RAB3IL1: variants seen among roughly 807,000 people sequenced by gnomAD.
RAB3IL1 encodes RAB3A interacting protein like 1.
Under a neutral mutation model 49.2 loss-of-function variants are expected in RAB3IL1, and 37 were observed. The observed-to-expected ratio is 0.75, with a 90% CI of 0.58 to 0.99. The LOEUF (loss-of-function observed/expected upper bound fraction) is 0.99. Ranked by LOEUF, RAB3IL1 falls within the 50% of genes least tolerant of loss-of-function variation. The pLI, the probability that RAB3IL1 is intolerant of heterozygous loss-of-function variation, is 0.00. For synonymous variants in RAB3IL1, 193 were observed against 213.9 expected, an observed-to-expected ratio of 0.90 and a Z score of 0.85; for missense variants, 484 against 513.0, an observed-to-expected ratio of 0.94 and a Z score of 0.55.
chr11:61,922,111 AG>A (rs1939922540), upstream of RAB3IL1, among the ~76,000 whole-genome samples: 1 of 152,072 alleles, frequency 6.6e-6, no homozygotes, highest in Non-Finnish European at 1.5e-5. Flanking sequence ...CGGGAGGCTG[AG>A]GCAGGAGAAT....
chr11:61,929,163 T>G, the RAB3IL1 span, among the ~76,000 whole-genome samples: 1 of 152,226 alleles, frequency 6.6e-6, no homozygotes, highest in Non-Finnish European at 1.5e-5. Context: ...TTCTTTGTGT[T>G]GAGAACATTA....
chr11:61,904,470 C>G (rs1939071768), intron 7 of RAB3IL1, 76 bp downstream of exon 7: 1 of 1,382,218 alleles, frequency 7.2e-7, no homozygotes, highest in Non-Finnish European at 1.0e-6. Flanking sequence ...ATCCTGACCA[C>G]CCCTCGGCAC....
At chr11:61,911,013 A>G (rs1259472451) in intron 1 of RAB3IL1, among the ~76,000 whole-genome samples, 1 of 152,240 alleles carries the variant, frequency 6.6e-6, no homozygotes, top group African/African-American at 2.4e-5. Flanking sequence ...GGCCACAGTG[A>G]AAGACTAACT....
Position 61,907,579 on chromosome 11 carries a change from C to A in RAB3IL1, c.346G>T (p.Ala116Ser). ...AGCCGGTGTACCTCAAACAGGCTGG[C>A]CGTCAGCTCTTCCAGCTCCTGTTCT... is the stretch of plus-strand genomic sequence containing the variant. ...QLEQELEELT[A>S]SLFEEAHKMV... Residue 116 changes from alanine (A) to serine (S), a missense_variant, in exon 3 of 10, where the codon GCC (alanine) becomes TCC (serine). Transcript: ENST00000394836. 1 of 1,614,094 alleles carries A rather than the reference C, an allele frequency of 6.2e-7. No homozygotes were observed. Among genetic ancestry groups the A allele is most frequent in the Non-Finnish European group, 8.5e-7 (1 of 1,180,002 alleles).
At chr11:61,907,734 G>T in intron 2 of RAB3IL1, 74 bp from the exon 3 acceptor site, 2 of 1,357,172 alleles carry the variant, frequency 1.5e-6, no homozygotes, top group South Asian at 1.2e-5. Context: ...AGGCCCACCG[G>T]ACCAGGTTCC....
chr11:61,906,824 T>C lies in RAB3IL1; in HGVS notation c.439-140A>G. The C allele has an allele frequency of 1.2e-6, 1 of 809,572 alleles. No homozygotes were observed. The highest frequency in any genetic ancestry group is 1.5e-5 in the South Asian group (1 of 67,808). The allele number at this position is 809,572 out of a possible 1,614,324, so 50.1% of individuals were successfully genotyped here. ...CCACCCGACGCCCTCAGAACAGCCTTCGAGGCAGAGACCCAGACACTCGTT... is the reference window on the plus strand; with the variant it reads ...CCACCCGACGCCCTCAGAACAGCCTCCGAGGCAGAGACCCAGACACTCGTT... On this transcript the variant is annotated intron_variant, in intron 4 of 9. Transcript: ENST00000394836. This position sits in a 1 kb window ranked among gnomAD's most constrained non-coding sequence, Gnocchi z 4.6.
At chr11:61,941,863 G>A in the RAB3IL1 span, among the ~76,000 whole-genome samples, 9 of 152,116 alleles carry the variant, frequency 5.9e-5, no homozygotes, top group African/African-American at 1.2e-4. Context: ...ATTATACATC[G>A]TGTCCATGTG....
chr11:61,907,768 G>T, intron 2 of RAB3IL1, 108 bp from the exon 3 acceptor site: 2 of 1,060,886 alleles, frequency 1.9e-6, no homozygotes, highest in South Asian at 1.5e-5. Flanking sequence ...TTTATGTGGG[G>T]CTCAGAGTTT....
chr11:61,923,777 C>T (rs147281642), upstream of RAB3IL1, among the ~76,000 whole-genome samples: 1 of 152,282 alleles, frequency 6.6e-6, no homozygotes, highest in East Asian at 1.9e-4. Context: ...TTGGACAGCG[C>T]GGATGGAATG....
In RAB3IL1 at chr11:61,906,558, G is replaced by A; in HGVS notation, c.565C>T (p.His189Tyr). Reference sequence around the variant, plus strand: ...CTGCTGGTGCTCTTGTGGCGAGAGTGGCCCTTTCGGGGCCCGGCCTTGGTG... The same window carrying A: ...CTGCTGGTGCTCTTGTGGCGAGAGTAGCCCTTTCGGGGCCCGGCCTTGGTG... ...SPTKAGPRKG[H>Y]SRHKSTSSTL... The change falls in exon 5 of 10, where the codon CAC (histidine) becomes TAC (tyrosine). Residue 189 changes from histidine to tyrosine, a missense_variant. By Grantham distance (83) the His-to-Tyr change is moderately conservative (BLOSUM62 2). Coordinates refer to ENST00000394836, the MANE Select transcript of RAB3IL1 (RefSeq NM_013401.4). The surrounding 1 kb of genome is among the most constrained non-coding windows in gnomAD (Gnocchi z 4.6). 1.3e-6 allele frequency: 2 copies of A among 1,589,364 alleles called. No individual in the cohort carries two copies. Among genetic ancestry groups the A allele is most frequent in the East Asian group, 2.3e-5 (1 of 43,880 alleles).
intron 1 of RAB3IL1, 105 bp from the exon 2 acceptor site, chr11:61,908,411 A>T (rs1414990348): frequency 1.6e-6 from 2 of 1,234,604 alleles, no homozygotes; most frequent in Non-Finnish European, 2.1e-6. Context: ...CTTGAGCCTC[A>T]GCCTTTCCAT....
chr11:61,904,468 C>T, intron 7 of RAB3IL1, 78 bp downstream of exon 7: 1 of 1,366,724 alleles, frequency 7.3e-7, no homozygotes, highest in Non-Finnish European at 1.0e-6. Context: ...GCATCCTGAC[C>T]ACCCCTCGGC....
chr11:61,945,401 G>A, the RAB3IL1 span, among the ~76,000 whole-genome samples: 40 of 152,304 alleles, frequency 2.6e-4, no homozygotes, highest in East Asian at 9.6e-4. Flanking sequence ...TTCAGTGCTC[G>A]CCGTGGAAGC....
Position 61,904,852 on chromosome 11 carries a change from C to T in RAB3IL1, c.688G>A (p.Ala230Thr). ...TCCAGGGTGGGGGATTCCCTCCAGG[C>T]CTGGAACTCTGCAAACAGGATTGTG... ...VDTILFAEFQAWRESPTLDKT... is the reference protein window; with the variant it reads ...VDTILFAEFQTWRESPTLDKT... The change falls in exon 6 of 10, where the codon GCC becomes ACC. Residue 230 changes from alanine to threonine, a missense_variant. Transcript: ENST00000394836. 1 of 1,607,668 alleles carries T rather than the reference C, an allele frequency of 6.2e-7. No individual in the cohort carries two copies. Among genetic ancestry groups the T allele is most frequent in the Middle Eastern group, 1.7e-4 (1 of 6,014 alleles).
chr11:61,933,810 T>C, the RAB3IL1 span, among the ~76,000 whole-genome samples: 1 of 151,968 alleles, frequency 6.6e-6, no homozygotes, highest in African/African-American at 2.4e-5. Flanking sequence ...CTGGGCATAG[T>C]GGTGTGTGCC....
At chr11:61,942,439 C>T in the RAB3IL1 span, among the ~76,000 whole-genome samples, 2 of 151,620 alleles carry the variant, frequency 1.3e-5, no homozygotes, top group Middle Eastern at 6.8e-3. Context: ...GTGAGAAACA[C>T]CCAAGAATTA....
the RAB3IL1 span, among the ~76,000 whole-genome samples, chr11:61,941,413 G>A: frequency 6.6e-6 from 1 of 152,306 alleles, no homozygotes; most frequent in Admixed American, 6.5e-5. Context: ...TCTTGTGCCA[G>A]TATTATCCTA....
chr11:61,933,736 G>C, the RAB3IL1 span, among the ~76,000 whole-genome samples: 1 of 152,004 alleles, frequency 6.6e-6, no homozygotes, highest in Non-Finnish European at 1.5e-5. Context: ...ATGGATATTG[G>C]CTGGGTGTGG....
chr11:61,905,096 T>G (rs1939118722), intron 5 of RAB3IL1, among the ~76,000 whole-genome samples: 1 of 152,224 alleles, frequency 6.6e-6, no homozygotes, highest in Non-Finnish European at 1.5e-5. Context: ...AAAAGTTTTG[T>G]TTCCAGGCCG....
Sources: allele counts gnomAD v4.1 joint callset (sites outside exome capture counted in the v4.1 genomes callset), GRCh38; gene constraint gnomAD v4.1.1; non-coding constraint Gnocchi (gnomAD v3.1); transcripts MANE v1.5; gene names NCBI Gene and HGNC (gene_info 2026-07-23, HGNC 2026-07-21).